The following SLC1A4 variants were observed in gnomAD, a reference collection of about 807,000 sequenced individuals.
SLC1A4 encodes solute carrier family 1 member 4.
Under a neutral mutation model 37.7 loss-of-function variants are expected in SLC1A4, and 19 were observed. The ratio of observed to expected loss-of-function variants is 0.50; its 90% CI spans 0.35 to 0.74. SLC1A4 has a LOEUF of 0.74. SLC1A4 is among the 30% of genes least tolerant of loss of function. The pLI is 0.01. For synonymous variants in SLC1A4, 299 were observed against 309.8 expected, an observed-to-expected ratio of 0.97 and a Z score of 0.37; for missense variants, 570 against 712.9, an observed-to-expected ratio of 0.80 and a Z score of 2.28.
intron 3 of SLC1A4, among the ~76,000 whole-genome samples, chr2:65,006,747 T>C (rs1163140372): frequency 6.6e-6 from 1 of 152,192 alleles, no homozygotes; most frequent in African/African-American, 2.4e-5. Flanking sequence ...GAGACCAGCC[T>C]GGGCAACATA....
chr2:65,015,301 A>C (rs1389738727), intron 4 of SLC1A4, among the ~76,000 whole-genome samples: 2 of 152,258 alleles, frequency 1.3e-5, no homozygotes, highest in Admixed American at 6.5e-5. Flanking sequence ...CTCTACACTT[A>C]AAAATGGTTA....
At chr2:65,001,719 C>T (rs756709916) in intron 2 of SLC1A4, among the ~76,000 whole-genome samples, 2 of 152,086 alleles carry the variant, frequency 1.3e-5, no homozygotes, top group Non-Finnish European at 2.9e-5. Context: ...CCACTGGTTC[C>T]AAAATTTGTT....
In SLC1A4 at chr2:65,021,719, C is replaced by T. The variant is rs552306168; in HGVS notation, c.*573C>T. ...GTTCTGGGAGACTGCAGGTGCCGCACATTGTCAAGTTAGAAATACTCCAGG... is the reference window on the plus strand; with the variant it reads ...GTTCTGGGAGACTGCAGGTGCCGCATATTGTCAAGTTAGAAATACTCCAGG... On this transcript the variant is annotated 3_prime_UTR_variant, in exon 8 of 8. Transcript: ENST00000234256. 1 of 153,464 alleles carries T rather than the reference C, an allele frequency of 6.5e-6. No individual in the cohort carries two copies. Among genetic ancestry groups the T allele is most frequent in the South Asian group, 2.1e-4 (1 of 4,878 alleles). The allele number at this position is 153,464 out of a possible 1,614,324, so 9.5% of individuals were successfully genotyped here.
intron 3 of SLC1A4, among the ~76,000 whole-genome samples, chr2:65,008,810 TTA>T (rs1673788031): frequency 3.3e-5 from 5 of 152,180 alleles, no homozygotes; most frequent in Admixed American, 3.3e-4. Flanking sequence ...TCTAAGTACT[TTA>T]CATATATTAA....
chr2:65,013,133 G>C (rs1247105077), intron 4 of SLC1A4, among the ~76,000 whole-genome samples: 1 of 152,142 alleles, frequency 6.6e-6, no homozygotes, highest in Non-Finnish European at 1.5e-5. Context: ...GGGGAAGGTG[G>C]GGGATTACAA....
At chr2:65,001,305 G>A (rs539840245) in intron 1 of SLC1A4, 143 bp from the exon 2 acceptor site, 2 of 697,476 alleles carry the variant, frequency 2.9e-6, no homozygotes, top group East Asian at 5.1e-5. Context: ...GGGAGGCTGA[G>A]GCAGGAGGAT....
At chr2:65,007,864 A>G (rs1453849912) in intron 3 of SLC1A4, among the ~76,000 whole-genome samples, 1 of 152,210 alleles carries the variant, frequency 6.6e-6, no homozygotes, top group African/African-American at 2.4e-5. Flanking sequence ...CTATTTTGAA[A>G]TGTACAGTAA....
chr2:65,010,858 C>T, intron 4 of SLC1A4, 95 bp downstream of exon 4: 2 of 1,262,304 alleles, frequency 1.6e-6, no homozygotes, highest in Non-Finnish European at 1.1e-6. Flanking sequence ...GTGGGGCCAC[C>T]TGGCACAATG....
At chr2:65,008,437 A>C (rs1673771434) in intron 3 of SLC1A4, among the ~76,000 whole-genome samples, 3 of 152,192 alleles carry the variant, frequency 2.0e-5, no homozygotes, top group African/African-American at 7.2e-5. Flanking sequence ...CAGGAGTTTG[A>C]GACCGGTTTG....
intron 7 of SLC1A4, among the ~76,000 whole-genome samples, chr2:65,019,118 A>ACTTGGG (rs1674307034): frequency 6.6e-6 from 1 of 152,314 alleles, no homozygotes; most frequent in African/African-American, 2.4e-5. Flanking sequence ...GATGTGAGTG[A>ACTTGGG]CTTGGGCTTG....
intron 3 of SLC1A4, among the ~76,000 whole-genome samples, chr2:65,009,818 C>A (rs1013266123): frequency 6.6e-6 from 1 of 152,074 alleles, no homozygotes; most frequent in Non-Finnish European, 1.5e-5. Flanking sequence ...CCATGTTGAT[C>A]GTGAAAATCT....
intron 4 of SLC1A4, 49 bp from the exon 5 acceptor site, chr2:65,016,391 C>T (rs778140472): frequency 3.5e-6 from 5 of 1,444,218 alleles, no homozygotes; most frequent in Non-Finnish European, 4.9e-6. Flanking sequence ...CTGCATCTCT[C>T]ACCCCAGCTT....
At position 65,021,299 on chromosome 2, in the gene SLC1A4, C is replaced by A; in HGVS notation, c.*153C>A. Reference sequence around the variant, plus strand: ...CTGGCCTGAGGCTTACCTCTCGGCACTGGCATTGGGCTCCCCAGCCGGAAC... The same window carrying A: ...CTGGCCTGAGGCTTACCTCTCGGCAATGGCATTGGGCTCCCCAGCCGGAAC... On this transcript the variant is annotated 3_prime_UTR_variant, in exon 8 of 8. Transcript: ENST00000234256. 4.7e-6 allele frequency: 3 copies of A among 631,904 alleles called. No individual in the cohort carries two copies. The highest frequency in any genetic ancestry group is 8.3e-6 in the Non-Finnish European group (3 of 363,144). 39.1% of individuals were successfully genotyped at this position (631,904 alleles called of 1,614,324 possible). A position where few individuals can be genotyped will look rare whatever the true frequency, so the allele number is the denominator to read the frequency against.
intron 7 of SLC1A4, among the ~76,000 whole-genome samples, chr2:65,019,262 T>C (rs1419723948): frequency 1.3e-5 from 2 of 152,196 alleles, no homozygotes; most frequent in African/African-American, 4.8e-5. Flanking sequence ...ATGAATAATA[T>C]CTATTTTATA....
In SLC1A4 at chr2:65,018,130, G is replaced by A. The variant is rs777936748; in HGVS notation, c.1094G>A (p.Arg365Lys). Residue 365 changes from arginine (R) to lysine (K), a missense_variant, in exon 6 of 8, where the codon AGG becomes AAG. Physicochemically the swap from Arg to Lys is conservative, Grantham distance 26 (BLOSUM62 2). Transcript: ENST00000234256. The surrounding 1 kb of genome is among the most constrained non-coding windows in gnomAD (Gnocchi z 4.3). ...GAAGAGAACAATGGTGTGGACAAGA[G>A]GATCAGCAGGTTTATTCTCCCCATC... ...CIEENNGVDK[R>K]ISRFILPIGA... The A allele has an allele frequency of 2.5e-6, 4 of 1,614,212 alleles. No homozygotes were observed. The South Asian group carries it at 4.4e-5, about 18-fold the overall frequency.
chr2:65,007,542 A>C (rs1423650383), intron 3 of SLC1A4, among the ~76,000 whole-genome samples: 5 of 152,160 alleles, frequency 3.3e-5, no homozygotes, highest in African/African-American at 1.2e-4. Context: ...TCCTCTACAG[A>C]AAGGGAGTCA....
At chr2:65,002,229 G>A (rs896799410) in intron 2 of SLC1A4, among the ~76,000 whole-genome samples, 1 of 150,154 alleles carries the variant, frequency 6.7e-6, no homozygotes, top group Non-Finnish European at 1.5e-5. Context: ...GCAGAGAGCC[G>A]AGATCACACC....
intron 1 of SLC1A4, among the ~76,000 whole-genome samples, chr2:64,997,655 T>C (rs1042560536): frequency 1.3e-5 from 2 of 152,258 alleles, no homozygotes; most frequent in African/African-American, 4.8e-5. Flanking sequence ...GGCTCCTTTT[T>C]ATTGCCAAGT....
At chr2:65,006,066 A>G (rs544963697) in intron 3 of SLC1A4, among the ~76,000 whole-genome samples, 9 of 152,348 alleles carry the variant, frequency 5.9e-5, no homozygotes, top group Admixed American at 4.6e-4. Flanking sequence ...TGTCTCTTCA[A>G]TAACTTTAAG....
Sources: allele counts gnomAD v4.1 joint callset (sites outside exome capture counted in the v4.1 genomes callset), GRCh38; gene constraint gnomAD v4.1.1; non-coding constraint Gnocchi (gnomAD v3.1); transcripts MANE v1.5; gene names NCBI Gene and HGNC (gene_info 2026-07-23, HGNC 2026-07-21).